Variants in TRIM15 observed in about 807,000 individuals in gnomAD.
TRIM15 encodes the protein tripartite motif containing 15, also known as E3 ubiquitin-protein ligase TRIM15.
In TRIM15, 35 loss-of-function variants were observed where a neutral mutation model predicts 35.8. The ratio of observed to expected loss-of-function variants is 0.98; its 90% CI spans 0.75 to 1.30. The LOEUF (loss-of-function observed/expected upper bound fraction) is 1.30, where lower values mean the gene tolerates loss of function less well. Among genes scored for constraint, TRIM15 ranks in the 50% most tolerant of loss-of-function variants. TRIM15 has a pLI of 0.00. For synonymous variants in TRIM15, 252 were observed against 249.8 expected, an observed-to-expected ratio of 1.01 and a Z score of -0.08; for missense variants, 590 against 593.5, an observed-to-expected ratio of 0.99 and a Z score of 0.06.
chr6:30,167,385 C>A, intron 2 of TRIM15, 114 bp downstream of exon 2: 1 of 822,146 alleles, frequency 1.2e-6, no homozygotes. Context: ...AAACTGTTCT[C>A]GTTCACCTTC....
chr6:30,166,671 C>G (rs969549578), intron 1 of TRIM15, among the ~76,000 whole-genome samples: 1 of 152,150 alleles, frequency 6.6e-6, no homozygotes, highest in Non-Finnish European at 1.5e-5. Flanking sequence ...AGGGATAACA[C>G]TGAATCTATA....
At chr6:30,164,118 T>C in intron 1 of TRIM15, 53 bp downstream of exon 1, 1 of 1,554,622 alleles carries the variant, frequency 6.4e-7, no homozygotes, top group South Asian at 1.2e-5. Context: ...GATGTCCTGT[T>C]ATGAGGGGAG....
chr6:30,168,398 G>T lies in TRIM15; in HGVS notation c.576G>T (p.Arg192Ser). The T allele has an allele frequency of 6.2e-7, 1 of 1,613,058 alleles. No homozygotes were observed. Among genetic ancestry groups the T allele is most frequent in the Non-Finnish European group, 8.5e-7 (1 of 1,180,044 alleles). Reference protein sequence around the residue: ...QQRCLLLARLRELEQQIWKER... With the variant: ...QQRCLLLARLSELEQQIWKER... ...GATGTCTCCTGCTGGCCAGGCTGAGGGAGCTGGAGCAGCAGATTTGGAAGG... is the reference window on the plus strand; with the variant it reads ...GATGTCTCCTGCTGGCCAGGCTGAGTGAGCTGGAGCAGCAGATTTGGAAGG... The change falls in exon 3 of 7, where the codon AGG becomes AGT. Residue 192 changes from arginine to serine, a missense_variant. Arg to Ser is a moderately radical substitution (Grantham distance 110, BLOSUM62 -1). Coordinates refer to ENST00000376694, the MANE Select transcript of TRIM15 (RefSeq NM_033229.3).
intron 1 of TRIM15, among the ~76,000 whole-genome samples, chr6:30,164,668 C>A (rs56307380): frequency 0.14 from 21,125 of 152,150 alleles, 1,921 homozygotes; most frequent in East Asian, 0.32. Context: ...GCCTTATCCT[C>A]ACAGCCAGGT....
At chr6:30,167,673 G>A (rs186906478) in intron 2 of TRIM15, among the ~76,000 whole-genome samples, 97 of 152,282 alleles carry the variant, frequency 6.4e-4, no homozygotes, top group African/African-American at 2.1e-3. Flanking sequence ...TGTTAGTGTC[G>A]GGATTCTAGT....
In TRIM15 at chr6:30,163,572, T is replaced by TCTCTCTCTGTGTCTCTC. The variant is rs561051318; in HGVS notation, c.-113_-112insCTCTCTCTGTGTCTCTC. 7.8e-7 allele frequency: 1 copy of TCTCTCTCTGTGTCTCTC among 1,281,442 alleles called. No individual in the cohort carries two copies. The highest frequency in any genetic ancestry group is 1.1e-6 in the Non-Finnish European group (1 of 950,836). The allele number at this position is 1,281,442 out of a possible 1,614,324, so 79.4% of individuals were successfully genotyped here. ...TCTCTCTTTCTCTCTCTCTGTCTCT[T>TCTCTCTCTGTGTCTCTC]AGCCTTGCAGCCGTTTCCCTCTGCG... On this transcript the variant is annotated 5_prime_UTR_variant, in exon 1 of 7. Transcript: ENST00000376694.
At position 30,163,824 on chromosome 6, in the gene TRIM15, G is replaced by C. The variant is rs760831719; in HGVS notation, c.140G>C (p.Gly47Ala). 32 of 1,612,890 alleles carry C rather than the reference G, an allele frequency of 2.0e-5. No homozygotes were observed. Among genetic ancestry groups the C allele is most frequent in the Non-Finnish European group, 2.5e-5 (29 of 1,180,018 alleles). Residue 47 changes from glycine (G) to alanine (A), a missense_variant, in exon 1 of 7, where the codon GGG (glycine) becomes GCG (alanine). Gly to Ala is a moderately conservative substitution (Grantham distance 60, BLOSUM62 0). Coordinates refer to ENST00000376694, the MANE Select transcript of TRIM15 (RefSeq NM_033229.3). ...RLCLPALSQM[G>A]AQSSGKILLC... is the part of the protein sequence containing the mutation. ...TGCCTCCCCGCGCTCTCCCAGATGGGGGCCCAATCCTCGGGCAAGATCCTG... is the reference window on the plus strand; with the variant it reads ...TGCCTCCCCGCGCTCTCCCAGATGGCGGCCCAATCCTCGGGCAAGATCCTG...
intron 1 of TRIM15, among the ~76,000 whole-genome samples, chr6:30,164,308 A>C (rs990720331): frequency 1.3e-5 from 2 of 152,162 alleles, no homozygotes; most frequent in South Asian, 4.1e-4. Context: ...TGGAGTGCAA[A>C]GAACTGTAGC....
Position 30,163,808 on chromosome 6 carries a change from G to A in TRIM15, c.124G>A (p.Ala42Thr), listed in dbSNP as rs17194467. The A allele has an allele frequency of 0.045, 72,723 of 1,612,934 alleles. 1,880 individuals carry two copies. The highest frequency in any genetic ancestry group is 0.053 in the Non-Finnish European group (62,682 of 1,179,998). Residue 42 changes from alanine to threonine, a missense_variant, in exon 1 of 7, where the codon GCG (alanine) becomes ACG (threonine). Ala to Thr is a moderately conservative substitution (Grantham distance 58). Transcript: ENST00000376694. ...CACCTTCTGCCGGCTCTGCCTCCCC[G>A]CGCTCTCCCAGATGGGGGCCCAATC... ...GHTFCRLCLP[A>T]LSQMGAQSSG...
chr6:30,172,588 A>G lies in TRIM15; in HGVS notation c.*239A>G, dbSNP rs138979251. ...TGTACCTCAGAGTGCAGAACCACAG[A>G]CGGCTTCGGCTGTGCCTAGGGCAAC... On this transcript the variant is annotated 3_prime_UTR_variant, in exon 7 of 7. Transcript: ENST00000376694. The G allele has an allele frequency of 0.015, 10,589 of 729,236 alleles. 147 individuals carry two copies. The highest frequency in any genetic ancestry group is 0.03 in the Middle Eastern group (131 of 4,388). The allele number at this position is 729,236 out of a possible 1,614,324, so 45.2% of individuals were successfully genotyped here.
rs56866777 is a variant in TRIM15, at chr6:30,167,210, C to A, written c.416C>A (p.Thr139Lys). The change falls in exon 2 of 7, where the codon ACG becomes AAG. Residue 139 changes from threonine (T) to lysine (K), a missense_variant. Transcript: ENST00000376694. The part of the protein sequence containing the change: ...RLRSRLEALS[T>K]ERDEIEDVKC... ...AGGAGTCGACTGGAAGCTCTGAGCA[C>A]GGAGAGAGATGAGATTGAGGATGTA... 1.9e-6 allele frequency: 3 copies of A among 1,612,898 alleles called. No individual in the cohort carries two copies. Among genetic ancestry groups the A allele is most frequent in the African/African-American group, 2.7e-5 (2 of 74,884 alleles).
At position 30,167,275 on chromosome 6, in the gene TRIM15, C is replaced by G. The variant is rs1158184867; in HGVS notation, c.477+4C>G. The G allele has an allele frequency of 6.2e-7, 1 of 1,609,830 alleles. No individual in the cohort carries two copies. The highest frequency in any genetic ancestry group is 8.5e-7 in the Non-Finnish European group (1 of 1,177,086). On this transcript the variant is annotated splice_donor_region_variant and intron_variant, in intron 2 of 6. Transcript: ENST00000376694. ...CCAGAAGCTTCAAGTGCTGCTGGTA[C>G]AGGCCACGTCACTGGCTACCTTTTC...
chr6:30,169,111 T>C lies in TRIM15; in HGVS notation c.709-130T>C, dbSNP rs1773829792. Reference sequence around the variant, plus strand: ...GTAAAAGAACAATCTAATGAGTAGGTAATTAAACAGGACAACTCTCTGCAG... The same window carrying C: ...GTAAAAGAACAATCTAATGAGTAGGCAATTAAACAGGACAACTCTCTGCAG... On this transcript the variant is annotated intron_variant, in intron 3 of 6. Coordinates refer to ENST00000376694, the MANE Select transcript of TRIM15 (RefSeq NM_033229.3). The C allele has an allele frequency of 1.2e-5, 13 of 1,045,964 alleles. No homozygotes were observed. The South Asian group carries it at 1.6e-4, about 13-fold the overall frequency. The allele number at this position is 1,045,964 out of a possible 1,614,324, so 64.8% of individuals were successfully genotyped here.
rs146386892 is a variant in TRIM15 at position 30,166,702 on chromosome 6, C to T, written c.382-474C>T. ...CTATAAATTACTTTGGGCAGTATGG[C>T]CATTTTCACAATATTGATTCTTCCT... On this transcript the variant is annotated intron_variant, in intron 1 of 6. Coordinates refer to ENST00000376694, the MANE Select transcript of TRIM15 (RefSeq NM_033229.3). Among the ~76,000 whole-genome samples, 647 of 152,202 alleles carry T rather than the reference C, an allele frequency of 4.3e-3. 2 individuals carry two copies. Among genetic ancestry groups the T allele is most frequent in the African/African-American group, 0.011 (453 of 41,534 alleles).
At position 30,168,321 on chromosome 6, in the gene TRIM15, C is replaced by T; in HGVS notation, c.499C>T (p.His167Tyr). 3 of 1,612,890 alleles carry T rather than the reference C, an allele frequency of 1.9e-6. No individual in the cohort carries two copies. The highest frequency in any genetic ancestry group is 2.5e-6 in the Non-Finnish European group (3 of 1,179,930). The change falls in exon 3 of 7, where the codon CAT (histidine) becomes TAT (tyrosine). Residue 167 changes from histidine (H) to tyrosine (Y), a missense_variant. By Grantham distance (83) the His-to-Tyr change is moderately conservative. Coordinates refer to ENST00000376694, the MANE Select transcript of TRIM15 (RefSeq NM_033229.3). Reference protein sequence around the residue: ...VLLTQIESKKHQVETAFERLQ... With the variant: ...VLLTQIESKKYQVETAFERLQ... ...GAAGACTCAGATCGAAAGCAAGAAG[C>T]ATCAGGTGGAAACAGCTTTTGAGAG...
intron 4 of TRIM15, chr6:30,170,244 A>T (rs1773913065): frequency 8.8e-6 from 4 of 456,988 alleles, no homozygotes; most frequent in Non-Finnish European, 1.2e-5. Flanking sequence ...CAGCCCCTAC[A>T]GAACCAAACA....
rs991065129 is a variant in TRIM15 at position 30,170,906 on chromosome 6, C to T, written c.848-70C>T. 6 of 1,551,326 alleles carry T rather than the reference C, an allele frequency of 3.9e-6. No homozygotes were observed. In the African/African-American group the frequency reaches 5.5e-5, roughly 14 times the overall value. ...TCATCTTCACATTGTACTCAAGTCA[C>T]CTTGCCCCTGGGGGTGCCTATAAGA... On this transcript the variant is annotated intron_variant, in intron 5 of 6. Coordinates refer to ENST00000376694, the MANE Select transcript of TRIM15 (RefSeq NM_033229.3).
intron 1 of TRIM15, among the ~76,000 whole-genome samples, chr6:30,166,553 A>G (rs9261537): frequency 0.76 from 116,024 of 152,142 alleles, 44,596 homozygotes; most frequent in East Asian, 0.89. Context: ...CTCCAGCTTC[A>G]TTCTTTTTGC....
chr6:30,167,091 C>A, intron 1 of TRIM15, 85 bp from the exon 2 acceptor site: 1 of 1,237,866 alleles, frequency 8.1e-7, no homozygotes, highest in Non-Finnish European at 1.2e-6. Context: ...CAGCACTCAA[C>A]AGTGTGCCCA....
Sources: allele counts gnomAD v4.1 joint callset (sites outside exome capture counted in the v4.1 genomes callset), GRCh38; gene constraint gnomAD v4.1.1; transcripts MANE v1.5; gene names NCBI Gene and HGNC (gene_info 2026-07-23, HGNC 2026-07-21).